Variants in MAPKAP1 observed in about 807,000 individuals in gnomAD.
MAPKAP1 encodes MAPK associated protein 1, also known as target of rapamycin complex 2 subunit MAPKAP1.
A neutral mutation model predicts 65.7 loss-of-function variants in MAPKAP1; 20 were observed. The ratio of observed to expected loss-of-function variants is 0.30; its 90% confidence interval spans 0.21 to 0.44. The LOEUF is 0.44. Ranked by LOEUF, MAPKAP1 falls within the 20% of genes least tolerant of loss-of-function variation. The probability of loss-of-function intolerance (pLI) is 1.00; values close to 1 mark genes in which losing one functional copy is unlikely to be tolerated. For synonymous variants in MAPKAP1, 222 were observed against 244.3 expected (o/e 0.91, Z 0.85); for missense variants, 423 against 648.0 (o/e 0.65, Z 3.77).
intron 7 of MAPKAP1, among the ~76,000 whole-genome samples, chr9:125,520,278 C>T (rs536751948): frequency 6.6e-6 from 1 of 152,314 alleles, no homozygotes; most frequent in African/African-American, 2.4e-5. Context: ...GTAGCTTTAG[C>T]TGCATTGTCC....
intron 3 of MAPKAP1, among the ~76,000 whole-genome samples, chr9:125,663,877 C>A (rs1281552425): frequency 1.3e-5 from 2 of 151,950 alleles, no homozygotes; most frequent in Non-Finnish European, 2.9e-5. Context: ...TGGACTTCAC[C>A]AACAAACACA....
chr9:125,594,853 A>G (rs1832079457), intron 4 of MAPKAP1, among the ~76,000 whole-genome samples: 1 of 152,118 alleles, frequency 6.6e-6, no homozygotes, highest in Non-Finnish European at 1.5e-5. Context: ...GAATGGACCC[A>G]CCGGACCTAC....
intron 1 of MAPKAP1, among the ~76,000 whole-genome samples, chr9:125,701,959 G>A (rs1835612307): frequency 6.6e-6 from 1 of 152,196 alleles, no homozygotes; most frequent in Non-Finnish European, 1.5e-5. Context: ...ACATTGTATT[G>A]TATACTTCCT....
intron 10 of MAPKAP1, among the ~76,000 whole-genome samples, chr9:125,456,769 A>G (rs1486518286): frequency 6.6e-6 from 1 of 152,174 alleles, no homozygotes; most frequent in Non-Finnish European, 1.5e-5. Flanking sequence ...AAACCCTGAG[A>G]TGACTGCAGT....
At position 125,514,992 on chromosome 9, in the gene MAPKAP1, C is replaced by T. The variant is rs540054016; in HGVS notation, c.959-8575G>A. 2.2e-4 allele frequency among the ~76,000 whole-genome samples: 33 copies of T among 152,198 alleles called. 2 individuals are homozygous for T. The South Asian group carries it at 4.6e-3, about 21-fold the overall frequency. On this transcript the variant is annotated intron_variant, in intron 7 of 11. Coordinates refer to ENST00000265960, the MANE Select transcript of MAPKAP1 (RefSeq NM_001006617.3). ...CTCTTCCTCCAGAGGCAACTATAATCATTTTCTGCTTGATCTTAATATAAG... is the reference window on the plus strand; with the variant it reads ...CTCTTCCTCCAGAGGCAACTATAATTATTTTCTGCTTGATCTTAATATAAG...
At chr9:125,631,456 C>A (rs2131685423) in intron 4 of MAPKAP1, among the ~76,000 whole-genome samples, 1 of 152,284 alleles carries the variant, frequency 6.6e-6, no homozygotes, top group African/African-American at 2.4e-5. Flanking sequence ...TCTGTAAAGC[C>A]CAACTCATAT....
intron 10 of MAPKAP1, among the ~76,000 whole-genome samples, chr9:125,458,907 G>T (rs1304944959): frequency 1.1e-3 from 5 of 4,490 alleles, no homozygotes; most frequent in Non-Finnish European, 1.4e-3. Context: ...CTGGCCGGGC[G>T]GGGGGCTGAC....
At chr9:125,608,177 G>A (rs1033125673) in intron 4 of MAPKAP1, among the ~76,000 whole-genome samples, 1 of 152,214 alleles carries the variant, frequency 6.6e-6, no homozygotes, top group Admixed American at 6.5e-5. Flanking sequence ...ATGCTTCGAA[G>A]TTTCCAGAAA....
At chr9:125,497,569 A>G (rs780425657) in intron 8 of MAPKAP1, among the ~76,000 whole-genome samples, 45 of 152,344 alleles carry the variant, frequency 3.0e-4, no homozygotes, top group Non-Finnish European at 6.3e-4. Context: ...AAGAGCACTT[A>G]TATCTCATTC....
intron 7 of MAPKAP1, among the ~76,000 whole-genome samples, chr9:125,539,261 A>G (rs1830169812): frequency 6.6e-6 from 1 of 152,230 alleles, no homozygotes; most frequent in East Asian, 1.9e-4. Context: ...CAGACTAATA[A>G]AAATTTGTCT....
chr9:125,525,541 C>T (rs757351682), intron 7 of MAPKAP1, among the ~76,000 whole-genome samples: 6 of 151,954 alleles, frequency 3.9e-5, no homozygotes, highest in Non-Finnish European at 8.8e-5. Context: ...GGTGCGGTGG[C>T]GCATGCCTGT....
intron 6 of MAPKAP1, among the ~76,000 whole-genome samples, chr9:125,554,538 C>T (rs1830679483): frequency 6.6e-6 from 1 of 152,130 alleles, no homozygotes; most frequent in Non-Finnish European, 1.5e-5. Flanking sequence ...GTGGCTCATG[C>T]CTGTAATCCT....
At chr9:125,597,126 G>A (rs541699612) in intron 4 of MAPKAP1, among the ~76,000 whole-genome samples, 26 of 151,960 alleles carry the variant, frequency 1.7e-4, no homozygotes, top group African/African-American at 4.8e-4. Flanking sequence ...TTAGCCGGGC[G>A]TGGTGGTGGG....
chr9:125,606,001 CTT>C (rs1832429194), intron 4 of MAPKAP1, among the ~76,000 whole-genome samples: 1 of 152,144 alleles, frequency 6.6e-6, no homozygotes. Context: ...AGATCACTCT[CTT>C]TGAAATTGAT....
intron 1 of MAPKAP1, among the ~76,000 whole-genome samples, chr9:125,678,483 C>G (rs1453814230): frequency 6.6e-6 from 1 of 152,182 alleles, no homozygotes; most frequent in Non-Finnish European, 1.5e-5. Flanking sequence ...ACCTCGTGAT[C>G]CGCCCGCCTT....
chr9:125,701,073 C>A (rs1425898529), intron 1 of MAPKAP1, among the ~76,000 whole-genome samples: 1 of 152,184 alleles, frequency 6.6e-6, no homozygotes, highest in Non-Finnish European at 1.5e-5. Context: ...AGATTTGAGT[C>A]ATCTCCACTG....
rs957172387 is a variant in MAPKAP1 at position 125,690,429 on chromosome 9, A to G, written c.-70+16542T>C. On this transcript the variant is annotated intron_variant, in intron 1 of 11. Transcript: ENST00000265960. ...GAGAGGGTGCATAGGAGAGGCTGAAAGCAAACAATCTTCGGACTGCCTGGC... is the reference window on the plus strand; with the variant it reads ...GAGAGGGTGCATAGGAGAGGCTGAAGGCAAACAATCTTCGGACTGCCTGGC... Among the ~76,000 whole-genome samples the G allele has an allele frequency of 3.3e-5, 5 of 152,330 alleles. No homozygotes were observed. The South Asian group carries it at 6.2e-4, about 19-fold the overall frequency.
chr9:125,440,808 G>A (rs1262916474), intron 11 of MAPKAP1, among the ~76,000 whole-genome samples: 3 of 152,342 alleles, frequency 2.0e-5, no homozygotes, highest in Middle Eastern at 3.4e-3. Flanking sequence ...ACAATACAGT[G>A]TATGGAAATA....
intron 4 of MAPKAP1, among the ~76,000 whole-genome samples, chr9:125,609,091 C>T (rs1832523240): frequency 6.6e-6 from 1 of 152,134 alleles, no homozygotes; most frequent in African/African-American, 2.4e-5. Flanking sequence ...GCTGATGTTT[C>T]ATGTTATATA....
Sources: gnomAD v4.1 joint callset for allele counts (sites outside exome capture counted in the v4.1 genomes callset) on GRCh38, gnomAD v4.1.1 for gene constraint, MANE v1.5 for transcripts, NCBI Gene and HGNC (gene_info 2026-07-23, HGNC 2026-07-21) for gene names.